DYNC1H1: variants seen among roughly 807,000 people sequenced by gnomAD.
DYNC1H1 encodes the protein cytoplasmic dynein 1 heavy chain 1.
DYNC1H1 carries 51 observed loss-of-function variants against 527.1 expected under a neutral mutation model. The observed-to-expected ratio is 0.10, with a 90% CI of 0.08 to 0.12. The LOEUF (loss-of-function observed/expected upper bound fraction) is 0.12, where lower values mean the gene tolerates loss of function less well. DYNC1H1 is among the 10% of genes least tolerant of loss of function. The pLI, the probability that DYNC1H1 is intolerant of heterozygous loss-of-function variation, is 1.00. For synonymous variants in DYNC1H1, 2,189 were observed against 2,278.8 expected, an observed-to-expected ratio of 0.96 and a Z score of 1.12; for missense variants, 2,771 against 5,971.8, an observed-to-expected ratio of 0.46 and a Z score of 17.66.
rs1452433836 is a variant in DYNC1H1, at chr14:102,015,798, C to T, written c.7243-58C>T. 1.1e-5 allele frequency: 17 copies of T among 1,579,758 alleles called. No homozygotes were observed. The highest frequency in any genetic ancestry group is 3.5e-5 in the Admixed American group (2 of 57,936). On this transcript the variant is annotated intron_variant, in intron 35 of 77. Transcript: ENST00000360184. This position sits in a 1 kb window ranked among gnomAD's most constrained non-coding sequence, Gnocchi z 6.9. ...CCTTCTCCTGGGACCAGGTTAGAAT[C>T]GATGAAACTCGCCTGCCTTTTGAAA...
chr14:102,047,620 C>CGTATGTGTGTGTGTGT (rs1555412486), intron 72 of DYNC1H1, 197 bp from the exon 73 acceptor site: 1 of 300,652 alleles, frequency 3.3e-6, no homozygotes, highest in Non-Finnish European at 5.6e-6. Flanking sequence ...TATATATACA[C>CGTATGTGTGTGTGTGT]GTGTGTGTGT....
chr14:102,048,161 C>T, intron 73 of DYNC1H1, 133 bp downstream of exon 73: 1 of 1,200,780 alleles, frequency 8.3e-7, no homozygotes, highest in Non-Finnish European at 1.2e-6. Context: ...CACCTCAGAG[C>T]AGGTGTCCAG....
rs139719984 is a variant in DYNC1H1 at position 102,038,573 on chromosome 14, G to A, written c.11022G>A (p.Ser3674=). Residue 3674 remains serine (S), a synonymous_variant, in exon 58 of 78, where the codon TCG becomes TCA. Coordinates refer to ENST00000360184, the MANE Select transcript of DYNC1H1 (RefSeq NM_001376.5). The surrounding 1 kb of genome is among the most constrained non-coding windows in gnomAD (Gnocchi z 7.2). Reference sequence around the variant, plus strand: ...ACCAGGACATAGACCTGTCGCCATCGTTTGTCATCTTCCTGTCCACCCGGG... The same window carrying A: ...ACCAGGACATAGACCTGTCGCCATCATTTGTCATCTTCCTGTCCACCCGGG... ...LGDQDIDLSP[S]FVIFLSTRDP... 7.4e-6 allele frequency: 12 copies of A among 1,614,050 alleles called. No homozygotes were observed. In the Admixed American group the frequency reaches 1.3e-4, roughly 18 times the overall value.
At position 102,011,678 on chromosome 14, in the gene DYNC1H1, G is replaced by T; in HGVS notation, c.6619-197G>T. The T allele has an allele frequency of 1.7e-6, 1 of 603,860 alleles. No homozygotes were observed. The highest frequency in any genetic ancestry group is 2.7e-5 in the Admixed American group (1 of 37,536). The allele number at this position is 603,860 out of a possible 1,614,324, so 37.4% of individuals were successfully genotyped here. A position where few individuals can be genotyped will look rare whatever the true frequency, so the allele number is the denominator to read the frequency against. On this transcript the variant is annotated intron_variant, in intron 32 of 77. Transcript: ENST00000360184. This position sits in a 1 kb window ranked among gnomAD's most constrained non-coding sequence, Gnocchi z 5.3. ...GAGGAAGGAGAATCACTTGAACCTG[G>T]GAGGTGGAGCTTGCGGTGAGCTGAG...
chr14:102,043,580 T>C (rs1332659639), intron 69 of DYNC1H1: 1 of 439,046 alleles, frequency 2.3e-6, no homozygotes, highest in Middle Eastern at 7.0e-4. Context: ...AGGGGTTTCG[T>C]TCTGTCAATT....
chr14:101,985,630 A>G lies in DYNC1H1; in HGVS notation c.1462-57A>G. On this transcript the variant is annotated intron_variant, in intron 7 of 77. Coordinates refer to ENST00000360184, the MANE Select transcript of DYNC1H1 (RefSeq NM_001376.5). The surrounding 1 kb of genome is among the most constrained non-coding windows in gnomAD (Gnocchi z 5.9). The stretch of plus-strand genomic sequence containing the variant: ...TGAGCCACTGCACCCGGCTTAAAAT[A>G]AATTTTAAAGCCTTCGTTTGGTCAG... 1 of 1,596,564 alleles carries G rather than the reference A, an allele frequency of 6.3e-7. No homozygotes were observed. Among genetic ancestry groups the G allele is most frequent in the Non-Finnish European group, 8.6e-7 (1 of 1,164,290 alleles).
intron 62 of DYNC1H1, 80 bp from the exon 63 acceptor site, chr14:102,040,156 T>C (rs2048628899): frequency 6.3e-7 from 1 of 1,588,916 alleles, no homozygotes; most frequent in Non-Finnish European, 8.6e-7. Context: ...GTTTTCTCTT[T>C]TCTTAAATCA....
chr14:102,031,510 G>A (rs1453706072), intron 51 of DYNC1H1, among the ~76,000 whole-genome samples: 1 of 152,132 alleles, frequency 6.6e-6, no homozygotes, highest in Non-Finnish European at 1.5e-5. Context: ...ACTAAGATGT[G>A]TGAGCCACTG....
rs775087725 is a variant in DYNC1H1 at position 101,997,671 on chromosome 14, T to A, written c.3804+397T>A. 6.6e-5 allele frequency among the ~76,000 whole-genome samples: 10 copies of A among 152,184 alleles called. No homozygotes were observed. Among genetic ancestry groups the A allele is most frequent in the Non-Finnish European group, 1.5e-4 (10 of 68,030 alleles). On this transcript the variant is annotated intron_variant, in intron 16 of 77. Coordinates refer to ENST00000360184, the MANE Select transcript of DYNC1H1 (RefSeq NM_001376.5). This position sits in a 1 kb window ranked among gnomAD's most constrained non-coding sequence, Gnocchi z 4.8. ...TGCCAGTGGATTGTGGGGAGGCAGG[T>A]TCTGTTGTCTTCGTCATTGTAGCCA... is the stretch of plus-strand genomic sequence containing the variant.
At position 102,043,337 on chromosome 14, in the gene DYNC1H1, T is replaced by C. The variant is rs2048675659; in HGVS notation, c.12514-538T>C. The C allele has an allele frequency of 7.4e-5, 16 of 216,048 alleles. No homozygotes were observed. In the South Asian group the frequency reaches 1.1e-3, roughly 15 times the overall value. 13.4% of individuals were successfully genotyped at this position (216,048 alleles called of 1,614,324 possible). On this transcript the variant is annotated intron_variant, in intron 69 of 77. Coordinates refer to ENST00000360184, the MANE Select transcript of DYNC1H1 (RefSeq NM_001376.5). ...ACAACATAGTGAGATCCTGTCTCTATATAAAATTTCCTTCCTTTGAGCAGG... is the reference window on the plus strand; with the variant it reads ...ACAACATAGTGAGATCCTGTCTCTACATAAAATTTCCTTCCTTTGAGCAGG...
chr14:102,016,203 T>G lies in DYNC1H1; in HGVS notation c.7473+117T>G, dbSNP rs1011674170. On this transcript the variant is annotated intron_variant, in intron 36 of 77. Coordinates refer to ENST00000360184, the MANE Select transcript of DYNC1H1 (RefSeq NM_001376.5). This position sits in a 1 kb window ranked among gnomAD's most constrained non-coding sequence, Gnocchi z 7.3. ...GCTCTCTCCTAGGCGAGGCAGAGCC[T>G]TCGTTGAGGGGCTAGGAAAGGTGCA... The G allele has an allele frequency of 1.3e-6, 2 of 1,503,492 alleles. No individual in the cohort carries two copies. Among genetic ancestry groups the G allele is most frequent in the Middle Eastern group, 3.5e-4 (2 of 5,714 alleles). The allele number at this position is 1,503,492 out of a possible 1,614,324, so 93.1% of individuals were successfully genotyped here.
intron 11 of DYNC1H1, among the ~76,000 whole-genome samples, chr14:101,992,328 A>G (rs1198003808): frequency 6.6e-6 from 1 of 152,190 alleles, no homozygotes; most frequent in Non-Finnish European, 1.5e-5. Context: ...TTAATTGCCT[A>G]TGGCTAAAAT....
In DYNC1H1 at chr14:102,016,180, T is replaced by G; in HGVS notation, c.7473+94T>G. On this transcript the variant is annotated intron_variant, in intron 36 of 77. Coordinates refer to ENST00000360184, the MANE Select transcript of DYNC1H1 (RefSeq NM_001376.5). This position sits in a 1 kb window ranked among gnomAD's most constrained non-coding sequence, Gnocchi z 7.3. ...ATGCTGCACCTGTGGGGATGTGCGC[T>G]CTCTCCTAGGCGAGGCAGAGCCTTC... 6.6e-7 allele frequency: 1 copy of G among 1,519,928 alleles called. No homozygotes were observed. Among genetic ancestry groups the G allele is most frequent in the African/African-American group, 1.4e-5 (1 of 72,370 alleles). The allele number at this position is 1,519,928 out of a possible 1,614,324, so 94.2% of individuals were successfully genotyped here. A position where few individuals can be genotyped will look rare whatever the true frequency, so the allele number is the denominator to read the frequency against.
In DYNC1H1 at chr14:102,001,649, G is replaced by A. The variant is rs761695197; in HGVS notation, c.4510G>A (p.Val1504Ile). Reference protein sequence around the residue: ...FNKVKEHINSVSAMKLSPYYK... With the variant: ...FNKVKEHINSISAMKLSPYYK... ...CAAGGTCAAAGAACACATCAACAGCGTCTCGGCCATGAAGCTCTCTCCGTA... is the reference window on the plus strand; with the variant it reads ...CAAGGTCAAAGAACACATCAACAGCATCTCGGCCATGAAGCTCTCTCCGTA... The change falls in exon 21 of 78, where the codon GTC (valine) becomes ATC (isoleucine). Residue 1504 changes from valine (V) to isoleucine (I), a missense_variant. Around this residue, in one of 32 missense-constraint regions of DYNC1H1, gnomAD observed 223 missense variants for 462.5 expected, o/e 0.48. Coordinates refer to ENST00000360184, the MANE Select transcript of DYNC1H1 (RefSeq NM_001376.5). This position sits in a 1 kb window ranked among gnomAD's most constrained non-coding sequence, Gnocchi z 5.0. 51 of 1,614,084 alleles carry A rather than the reference G, an allele frequency of 3.2e-5. No individual in the cohort carries two copies. The highest frequency in any genetic ancestry group is 2.5e-5 in the Non-Finnish European group (29 of 1,180,044).
At position 102,015,917 on chromosome 14, in the gene DYNC1H1, A is replaced by C; in HGVS notation, c.7304A>C (p.Lys2435Thr). The change falls in exon 36 of 78, where the codon AAG becomes ACG. Residue 2435 changes from lysine (K) to threonine (T), a missense_variant. Transcript: ENST00000360184. This position sits in a 1 kb window ranked among gnomAD's most constrained non-coding sequence, Gnocchi z 6.9. ...TTCACGTCCAACGGCCTGGTCACCA[A>C]GGCGCTAGAGCACGCCTTCCAGCTG... is the stretch of plus-strand genomic sequence containing the variant. ...PYFTSNGLVT[K>T]ALEHAFQLEH... The C allele has an allele frequency of 6.2e-7, 1 of 1,614,264 alleles. No individual in the cohort carries two copies. The highest frequency in any genetic ancestry group is 8.5e-7 in the Non-Finnish European group (1 of 1,180,044).
rs1217557889 is a variant in DYNC1H1, at chr14:102,001,005, C to G, written c.4126C>G (p.Arg1376Gly). The change falls in exon 19 of 78, where the codon CGG (arginine) becomes GGG (glycine). Residue 1376 changes from arginine to glycine, a missense_variant. Transcript: ENST00000360184. The surrounding 1 kb of genome is among the most constrained non-coding windows in gnomAD (Gnocchi z 5.0). Reference protein sequence around the residue: ...LLNQLKSFPARLRQYASYEFV... With the variant: ...LLNQLKSFPAGLRQYASYEFV... ...GAACCAGCTGAAAAGCTTCCCTGCC[C>G]GGTTGCGACAGTATGCGTCCTATGA... is the stretch of plus-strand genomic sequence containing the variant. 6.2e-7 allele frequency: 1 copy of G among 1,614,078 alleles called. No individual in the cohort carries two copies. The highest frequency in any genetic ancestry group is 8.5e-7 in the Non-Finnish European group (1 of 1,180,046).
In DYNC1H1 at chr14:101,980,429, C is replaced by T. The variant is rs775490854; in HGVS notation, c.840C>T (p.Asn280=). 17 of 1,614,222 alleles carry T rather than the reference C, an allele frequency of 1.1e-5. No individual in the cohort carries two copies. The South Asian group carries it at 1.6e-4, about 16-fold the overall frequency. The change falls in exon 5 of 78, where the codon AAC becomes AAT. Residue 280 remains asparagine (N), a synonymous_variant. Coordinates refer to ENST00000360184, the MANE Select transcript of DYNC1H1 (RefSeq NM_001376.5). Reference sequence around the variant, plus strand: ...TACAGGAAATTAGTTTTTGGCTAAACTTGGAACGTGCGTTATACCGCATCC... The same window carrying T: ...TACAGGAAATTAGTTTTTGGCTAAATTTGGAACGTGCGTTATACCGCATCC... The part of the protein sequence containing the change: ...TALQEISFWL[N]LERALYRIQE...
intron 1 of DYNC1H1, among the ~76,000 whole-genome samples, chr14:101,969,026 CT>C (rs1049568923): frequency 6.7e-6 from 1 of 149,894 alleles, no homozygotes; most frequent in Non-Finnish European, 1.5e-5. Flanking sequence ...TTCTTTTTTT[CT>C]TTTTTTTTGA....
At chr14:102,035,971 A>C (rs2048570432) in intron 56 of DYNC1H1, 1 of 167,822 alleles carries the variant, frequency 6.0e-6, no homozygotes, top group African/African-American at 2.4e-5. Flanking sequence ...CCGTAGGTAG[A>C]TCACATTAGC....
Sources: gnomAD v4.1 joint callset for allele counts (sites outside exome capture counted in the v4.1 genomes callset) on GRCh38, gnomAD v4.1.1 for gene constraint, gnomAD v4.1.1 regional missense constraint, Gnocchi (gnomAD v3.1) non-coding constraint, MANE v1.5 for transcripts, NCBI Gene and HGNC (gene_info 2026-07-23, HGNC 2026-07-21) for gene names.